ANAPC10: variants seen among roughly 807,000 people sequenced by gnomAD.
The protein encoded by ANAPC10 is anaphase-promoting complex subunit 10.
Under a neutral mutation model 22.0 loss-of-function variants are expected in ANAPC10, and 12 were observed. That is an observed-to-expected ratio of 0.55 (90% CI 0.35 to 0.88). ANAPC10 has a LOEUF of 0.88. Ranked by LOEUF, ANAPC10 falls within the 40% of genes least tolerant of loss-of-function variation. The pLI is 0.01. For synonymous variants in ANAPC10, 65 were observed against 69.5 expected (o/e 0.94, Z 0.32); for missense variants, 188 against 220.9 (o/e 0.85, Z 0.94).
chr4:145,043,618 T>C (rs34450192), intron 4 of ANAPC10, among the ~76,000 whole-genome samples: 6 of 152,156 alleles, frequency 3.9e-5, no homozygotes, highest in African/African-American at 1.4e-4. Flanking sequence ...ATACCATCAA[T>C]TCTTTCCATT....
intron 4 of ANAPC10, among the ~76,000 whole-genome samples, chr4:145,038,821 CAAAAAAAAAAAAAAAAAA>C (rs140379083): frequency 5.2e-5 from 1 of 19,210 alleles, no homozygotes; most frequent in Non-Finnish European, 8.2e-5. Flanking sequence ...GACTCTGTCT[CAAAAAAAAAAAAAAAAAA>C]AAAAAAAAAA....
At chr4:145,096,980 G>GC (rs1748631303) in intron 1 of ANAPC10, among the ~76,000 whole-genome samples, 1 of 152,094 alleles carries the variant, frequency 6.6e-6, no homozygotes, top group Admixed American at 6.5e-5. Flanking sequence ...GGAGGCCAAG[G>GC]CAGGTGGATT....
chr4:145,024,645 T>C (rs1736402963), intron 4 of ANAPC10, among the ~76,000 whole-genome samples: 1 of 152,212 alleles, frequency 6.6e-6, no homozygotes, highest in Non-Finnish European at 1.5e-5. Context: ...CAGGGAACCA[T>C]GCTTTCAACA....
chr4:145,012,940 T>C (rs544649260), intron 4 of ANAPC10, among the ~76,000 whole-genome samples: 3 of 152,152 alleles, frequency 2.0e-5, no homozygotes, highest in Non-Finnish European at 4.4e-5. Context: ...GTTCTCATGA[T>C]AGTGAGTGAG....
In ANAPC10 at chr4:145,081,655, A is replaced by G. The variant is rs774014927; in HGVS notation, c.206+5T>C. ...AGATGAAAAATTTGAAAATGTATTA[A>G]TTACCTGAATTGGATGTTCACTAAA... On this transcript the variant is annotated splice_donor_5th_base_variant and intron_variant, in intron 3 of 4. Transcript: ENST00000507656. 2.5e-6 allele frequency: 4 copies of G among 1,594,896 alleles called. No homozygotes were observed. The African/African-American group carries it at 5.4e-5, about 21-fold the overall frequency.
At chr4:145,063,442 TTAAG>T (rs2126459734) in intron 4 of ANAPC10, among the ~76,000 whole-genome samples, 1 of 145,934 alleles carries the variant, frequency 6.9e-6, no homozygotes, top group South Asian at 2.3e-4. Context: ...GTGATTTCTA[TTAAG>T]TATTTTATTA....
intron 4 of ANAPC10, among the ~76,000 whole-genome samples, chr4:145,008,655 C>T (rs1161180012): frequency 2.6e-5 from 4 of 152,296 alleles, no homozygotes; most frequent in Middle Eastern, 6.8e-3. Context: ...ATGCTAAAAA[C>T]TCTCAATAAA....
At chr4:145,080,129 A>C (rs1463874224) in intron 3 of ANAPC10, among the ~76,000 whole-genome samples, 1 of 150,500 alleles carries the variant, frequency 6.6e-6, no homozygotes, top group Non-Finnish European at 1.5e-5. Flanking sequence ...AAAAAAAAAA[A>C]AAAAAAAAAC....
At chr4:145,059,886 A>G (rs1277849259) in intron 4 of ANAPC10, among the ~76,000 whole-genome samples, 1 of 152,068 alleles carries the variant, frequency 6.6e-6, no homozygotes, top group African/African-American at 2.4e-5. Flanking sequence ...TTTCCTTCTG[A>G]GAGCAAAAGA....
At chr4:145,069,082 C>T (rs1441160050) in intron 3 of ANAPC10, among the ~76,000 whole-genome samples, 3 of 152,332 alleles carry the variant, frequency 2.0e-5, no homozygotes, top group South Asian at 2.1e-4. Flanking sequence ...AAGTCCGAGA[C>T]ATCTGCTCAT....
At chr4:145,001,224 G>A (rs1732509176) in intron 4 of ANAPC10, among the ~76,000 whole-genome samples, 1 of 127,328 alleles carries the variant, frequency 7.9e-6, no homozygotes, top group African/African-American at 2.9e-5. Flanking sequence ...GGGAGGGAGG[G>A]AGGGAAGGAG....
At chr4:145,002,079 C>T (rs534644851) in intron 4 of ANAPC10, among the ~76,000 whole-genome samples, 1 of 152,254 alleles carries the variant, frequency 6.6e-6, no homozygotes, top group Non-Finnish European at 1.5e-5. Context: ...ACTACTTCTC[C>T]TTTACTAACC....
chr4:145,043,562 C>T (rs538240877), intron 4 of ANAPC10, among the ~76,000 whole-genome samples: 9 of 152,176 alleles, frequency 5.9e-5, no homozygotes, highest in Non-Finnish European at 1.2e-4. Flanking sequence ...GCTGTAAAAC[C>T]GCAAAATCCC....
At chr4:145,020,226 A>T (rs1345831961) in intron 4 of ANAPC10, among the ~76,000 whole-genome samples, 1 of 152,170 alleles carries the variant, frequency 6.6e-6, no homozygotes, top group East Asian at 1.9e-4. Flanking sequence ...TACCAAAAAG[A>T]TAAACTACCA....
At position 145,057,923 on chromosome 4, in the gene ANAPC10, T is replaced by C. The variant is rs534771802; in HGVS notation, c.327+6649A>G. ...TCAAATATAGGGAACCCAACTGCCA[T>C]AGCCTTAATTAAATCCTCGTAATTT... On this transcript the variant is annotated intron_variant, in intron 4 of 4. Coordinates refer to ENST00000507656, the MANE Select transcript of ANAPC10 (RefSeq NM_001256706.2). 3.9e-5 allele frequency among the ~76,000 whole-genome samples: 6 copies of C among 152,242 alleles called. No homozygotes were observed. The South Asian group carries it at 8.3e-4, about 21-fold the overall frequency.
At chr4:145,024,109 T>C (rs1173035242) in intron 4 of ANAPC10, among the ~76,000 whole-genome samples, 1 of 152,176 alleles carries the variant, frequency 6.6e-6, no homozygotes. Flanking sequence ...TCCTCATCAG[T>C]TTAAGTTTTA....
chr4:145,045,655 A>G (rs1338250639), intron 4 of ANAPC10, among the ~76,000 whole-genome samples: 2 of 152,086 alleles, frequency 1.3e-5, no homozygotes, highest in Non-Finnish European at 2.9e-5. Context: ...ACTCTCACAT[A>G]TATGAATGTA....
chr4:145,080,711 C>G (rs1745869498), intron 3 of ANAPC10, among the ~76,000 whole-genome samples: 1 of 151,998 alleles, frequency 6.6e-6, no homozygotes, highest in African/African-American at 2.4e-5. Context: ...AGTTCCAGAC[C>G]AGCCTGACCA....
intron 4 of ANAPC10, among the ~76,000 whole-genome samples, chr4:145,052,423 ACACTAGC>A (rs1657004184): frequency 6.6e-6 from 1 of 152,190 alleles, no homozygotes; most frequent in African/African-American, 2.4e-5. Context: ...TAGTAAAATA[ACACTAGC>A]CTAACCAGTT....
Sources: gnomAD v4.1 joint callset for allele counts (sites outside exome capture counted in the v4.1 genomes callset) on GRCh38, gnomAD v4.1.1 for gene constraint, MANE v1.5 for transcripts, NCBI Gene and HGNC (gene_info 2026-07-23, HGNC 2026-07-21) for gene names.